PTN: variants seen among roughly 807,000 people sequenced by gnomAD.
PTN encodes pleiotrophin.
Under a neutral mutation model 24.1 loss-of-function variants are expected in PTN, and 18 were observed. The observed-to-expected ratio is 0.75, with a 90% confidence interval of 0.52 to 1.11. PTN has a LOEUF of 1.11. Among genes scored for constraint, PTN ranks in the 50% least tolerant of loss-of-function variants. The probability of loss-of-function intolerance (pLI) is 0.00; values close to 1 mark genes in which losing one functional copy is unlikely to be tolerated. For missense variants in PTN, 163 were observed against 198.8 expected, an observed-to-expected ratio of 0.82 and a Z score of 1.08; for synonymous variants, 78 against 68.6, an observed-to-expected ratio of 1.14 and a Z score of -0.67.
intron 1 of PTN, among the ~76,000 whole-genome samples, chr7:137,261,990 T>C (rs1585018028): frequency 6.6e-6 from 1 of 151,864 alleles, no homozygotes; most frequent in South Asian, 2.1e-4. Context: ...ATAATATCTT[T>C]AGGTTCTATG....
intron 3 of PTN, 64 bp downstream of exon 3, chr7:137,253,400 A>C: frequency 6.8e-7 from 1 of 1,468,852 alleles, no homozygotes; most frequent in East Asian, 2.4e-5. Context: ...TTAAAAAGAC[A>C]TTTGGTGGAA....
chr7:137,247,399 G>A (rs540272045), intron 4 of PTN, among the ~76,000 whole-genome samples: 2 of 152,304 alleles, frequency 1.3e-5, no homozygotes, highest in Non-Finnish European at 2.9e-5. Flanking sequence ...ATTAGGTTAA[G>A]TAAAATAAGA....
intron 2 of PTN, 114 bp downstream of exon 2, chr7:137,254,745 T>G (rs1167509028): frequency 5.3e-6 from 3 of 567,384 alleles, no homozygotes; most frequent in Non-Finnish European, 8.4e-6. Context: ...ATTGAAGGAA[T>G]AGAGGAATAG....
Position 137,235,409 on chromosome 7 carries a change from C to T in PTN, c.452-7334G>A, listed in dbSNP as rs903789095. The stretch of plus-strand genomic sequence containing the variant: ...GGTACTGGTTGGCTAGGCTGCCTAA[C>T]GTGGCACTGTTCATTCAATTTCCAA... On this transcript the variant is annotated intron_variant, in intron 4 of 4. Transcript: ENST00000348225. Among the ~76,000 whole-genome samples the T allele has an allele frequency of 1.6e-4, 25 of 152,114 alleles. 1 individual carries two copies. Among genetic ancestry groups the T allele is most frequent in the Admixed American group, 1.4e-3 (22 of 15,254 alleles).
Position 137,298,799 on chromosome 7 carries a change from A to T in PTN, c.-1-43825T>A, listed in dbSNP as rs148461188. On this transcript the variant is annotated intron_variant, in intron 1 of 4. Transcript: ENST00000348225. ...AAAACAGTAACTGTTTTGGTTTCTT[A>T]TCCAAAATTCAACTTGCGAGCAAAG... Among the ~76,000 whole-genome samples the T allele has an allele frequency of 1.0e-3, 155 of 152,056 alleles. 1 individual carries two copies. The highest frequency in any genetic ancestry group is 1.6e-3 in the Non-Finnish European group (109 of 67,936).
At chr7:137,268,931 T>C (rs1809214338) in intron 1 of PTN, among the ~76,000 whole-genome samples, 1 of 152,236 alleles carries the variant, frequency 6.6e-6, no homozygotes, top group African/African-American at 2.4e-5. Context: ...CATTTTATAT[T>C]GTTTTCTTAG....
intron 1 of PTN, among the ~76,000 whole-genome samples, chr7:137,338,200 T>C (rs1418843834): frequency 6.6e-6 from 1 of 152,150 alleles, no homozygotes; most frequent in African/African-American, 2.4e-5. Context: ...AGTACAAGGA[T>C]TTGCCTTCTT....
chr7:137,265,242 G>A lies in PTN; in HGVS notation c.-1-10268C>T, dbSNP rs186869200. Among the ~76,000 whole-genome samples, 36 of 152,214 alleles carry A rather than the reference G, an allele frequency of 2.4e-4. No individual in the cohort carries two copies. In the East Asian group the frequency reaches 4.8e-3, roughly 20 times the overall value. On this transcript the variant is annotated intron_variant, in intron 1 of 4. Transcript: ENST00000348225. ...CTGCGTCTAAATGGACAGGAGAGTC[G>A]AAAGACCTATAAGGGGCTTCTCTCA...
intron 1 of PTN, among the ~76,000 whole-genome samples, chr7:137,291,048 G>T (rs1249958188): frequency 1.3e-5 from 2 of 152,160 alleles, no homozygotes; most frequent in Non-Finnish European, 2.9e-5. Flanking sequence ...ACCAATATGG[G>T]ATCATTAAAT....
chr7:137,249,037 A>T (rs553742255), intron 4 of PTN, among the ~76,000 whole-genome samples: 2 of 152,146 alleles, frequency 1.3e-5, no homozygotes, highest in Non-Finnish European at 2.9e-5. Context: ...GAGATACTGT[A>T]TAAAGGTGAA....
intron 1 of PTN, among the ~76,000 whole-genome samples, chr7:137,314,806 G>T (rs766758912): frequency 3.4e-4 from 52 of 152,054 alleles, no homozygotes; most frequent in South Asian, 1.0e-3. Context: ...TGTTGGCCAG[G>T]CTGGTCTCAG....
In PTN at chr7:137,312,293, C is replaced by T. The variant is rs150418697; in HGVS notation, c.-2+31146G>A. ...TGAGGCATTCAAATGAATCCATCCG[C>T]GATGCACATTTCTTAGAACAGCTTG... On this transcript the variant is annotated intron_variant, in intron 1 of 4. Transcript: ENST00000348225. 5.0e-3 allele frequency among the ~76,000 whole-genome samples: 769 copies of T among 152,294 alleles called. 3 individuals are homozygous for T. The highest frequency in any genetic ancestry group is 0.012 in the South Asian group (59 of 4,826).
intron 1 of PTN, among the ~76,000 whole-genome samples, chr7:137,330,609 T>C (rs1810341926): frequency 6.6e-6 from 1 of 152,010 alleles, no homozygotes; most frequent in Non-Finnish European, 1.5e-5. Context: ...CGTTAGACGG[T>C]AGAAAGGTTT....
intron 4 of PTN, 96 bp downstream of exon 4, chr7:137,251,134 A>G (rs1808818692): frequency 2.2e-6 from 3 of 1,390,858 alleles, no homozygotes; most frequent in African/African-American, 2.9e-5. Flanking sequence ...TCTTAAGGTA[A>G]TTCACCTAAT....
At position 137,254,953 on chromosome 7, in the gene PTN, C is replaced by A; in HGVS notation, c.21G>T (p.Gln7His). 6.4e-7 allele frequency: 1 copy of A among 1,567,448 alleles called. No homozygotes were observed. The highest frequency in any genetic ancestry group is 8.7e-7 in the Non-Finnish European group (1 of 1,145,996). MQAQQY[Q>H]QQRRKFAAAF... ...CAGCTGCAAATTTTCGACGCTGCTG[C>A]TGGTACTGTTGAGCCTGCATTCTAG... The change falls in exon 2 of 5, where the codon CAG becomes CAT. Residue 7 changes from glutamine (Q) to histidine (H), a missense_variant. By Grantham distance (24) the Gln-to-His change is conservative. Transcript: ENST00000348225.
At chr7:137,237,721 C>A (rs1348938315) in intron 4 of PTN, among the ~76,000 whole-genome samples, 1 of 152,084 alleles carries the variant, frequency 6.6e-6, no homozygotes, top group African/African-American at 2.4e-5. Context: ...CACGTGATTT[C>A]TTCTGCCCCA....
chr7:137,259,712 T>C (rs777802467), intron 1 of PTN, among the ~76,000 whole-genome samples: 2 of 151,686 alleles, frequency 1.3e-5, no homozygotes, highest in Non-Finnish European at 2.9e-5. Context: ...AGACATGATT[T>C]AATTGAGACC....
intron 1 of PTN, among the ~76,000 whole-genome samples, chr7:137,285,109 C>A (rs1358340061): frequency 6.6e-6 from 1 of 152,036 alleles, no homozygotes; most frequent in Non-Finnish European, 1.5e-5. Flanking sequence ...ATGAGCAAAT[C>A]AGTACATTCC....
At chr7:137,334,885 C>T (rs1344971355) in intron 1 of PTN, among the ~76,000 whole-genome samples, 1 of 151,764 alleles carries the variant, frequency 6.6e-6, no homozygotes, top group Non-Finnish European at 1.5e-5. Context: ...GAGTTCATGT[C>T]CTTTGTAGGG....
Sources: allele counts gnomAD v4.1 joint callset (sites outside exome capture counted in the v4.1 genomes callset), GRCh38; gene constraint gnomAD v4.1.1; transcripts MANE v1.5; gene names NCBI Gene and HGNC (gene_info 2026-07-23, HGNC 2026-07-21).